The following ZNF521 variants were observed in gnomAD, a reference collection of about 807,000 sequenced individuals.
ZNF521 encodes the protein LYST-interacting protein 3.
Under a neutral mutation model 105.5 loss-of-function variants are expected in ZNF521, and 14 were observed. The observed-to-expected ratio is 0.13, with a 90% CI of 0.09 to 0.21. The LOEUF is 0.21. Among genes scored for constraint, ZNF521 ranks in the 10% least tolerant of loss-of-function variants. The pLI is 1.00. For missense variants in ZNF521, 1,233 were observed against 1,629.7 expected (o/e 0.76, Z 4.19); for synonymous variants, 635 against 606.0 (o/e 1.05, Z -0.70).
chr18:25,144,268 C>T (rs2034903315), intron 5 of ZNF521, among the ~76,000 whole-genome samples: 1 of 152,088 alleles, frequency 6.6e-6, no homozygotes, highest in South Asian at 2.1e-4. Flanking sequence ...AGACATTTTG[C>T]ATAATGCTTC....
At position 25,062,633 on chromosome 18, in the gene ZNF521, T is replaced by C. The variant is rs1019665193; in HGVS notation, c.*79A>G. 16 of 1,502,002 alleles carry C rather than the reference T, an allele frequency of 1.1e-5. No individual in the cohort carries two copies. Among genetic ancestry groups the C allele is most frequent in the Non-Finnish European group, 1.2e-5 (13 of 1,101,672 alleles). The allele number at this position is 1,502,002 out of a possible 1,614,324, so 93.0% of individuals were successfully genotyped here. ...GTTTCTGAATAATATACATTAACAA[T>C]GAAAGTTTCGTGCAAAGAGTAAAAC... is the stretch of plus-strand genomic sequence containing the variant. On this transcript the variant is annotated 3_prime_UTR_variant, in exon 8 of 8. Transcript: ENST00000361524.
chr18:25,307,866 C>G (rs1912066979), intron 3 of ZNF521, among the ~76,000 whole-genome samples: 1 of 152,066 alleles, frequency 6.6e-6, no homozygotes, highest in Non-Finnish European at 1.5e-5. Flanking sequence ...GTGAAGCCTC[C>G]TGATAGGTCT....
intron 2 of ZNF521, among the ~76,000 whole-genome samples, chr18:25,340,270 G>A (rs1441366000): frequency 6.6e-6 from 1 of 152,104 alleles, no homozygotes; most frequent in African/African-American, 2.4e-5. Context: ...TGAGAGGATC[G>A]CTTGAACCCA....
At chr18:25,258,923 T>C (rs550309042) in intron 3 of ZNF521, among the ~76,000 whole-genome samples, 96 of 152,286 alleles carry the variant, frequency 6.3e-4, no homozygotes, top group African/African-American at 2.2e-3. Flanking sequence ...ATCTATTGAG[T>C]AATGACAATG....
chr18:25,252,142 C>T (rs933214986), intron 3 of ZNF521, among the ~76,000 whole-genome samples: 4 of 152,116 alleles, frequency 2.6e-5, no homozygotes, highest in Non-Finnish European at 5.9e-5. Context: ...TCTTACTGCT[C>T]CCAGTTTACT....
chr18:25,325,898 G>A, intron 2 of ZNF521, among the ~76,000 whole-genome samples: 1 of 152,134 alleles, frequency 6.6e-6, no homozygotes, highest in East Asian at 1.9e-4. Context: ...CTGGCAGGTG[G>A]TTCTTTTCTT....
At chr18:25,106,329 G>T (rs2034072505) in intron 5 of ZNF521, among the ~76,000 whole-genome samples, 1 of 151,900 alleles carries the variant, frequency 6.6e-6, no homozygotes, top group Non-Finnish European at 1.5e-5. Context: ...AAAATACCAG[G>T]AAAACCATAT....
chr18:25,168,051 C>G (rs961919387), intron 5 of ZNF521, among the ~76,000 whole-genome samples: 1 of 152,094 alleles, frequency 6.6e-6, no homozygotes, highest in Non-Finnish European at 1.5e-5. Context: ...TAAGAGACTC[C>G]GAGTCAGTCT....
intron 6 of ZNF521, 97 bp from the exon 7 acceptor site, chr18:25,089,677 G>A (rs926010589): frequency 1.1e-5 from 10 of 918,602 alleles, no homozygotes; most frequent in East Asian, 5.1e-5. Context: ...CGGACAGCAC[G>A]CCTCCCAGGT....
At chr18:25,269,789 C>T (rs1166625257) in intron 3 of ZNF521, among the ~76,000 whole-genome samples, 1 of 152,176 alleles carries the variant, frequency 6.6e-6, no homozygotes, top group Non-Finnish European at 1.5e-5. Context: ...ACATTTAAAG[C>T]AGTGCATAGA....
At chr18:25,211,489 T>C (rs539575722) in intron 4 of ZNF521, among the ~76,000 whole-genome samples, 1 of 152,332 alleles carries the variant, frequency 6.6e-6, no homozygotes, top group South Asian at 2.1e-4. Context: ...ATATTAATAA[T>C]GAGAATAAAT....
chr18:25,336,987 A>G (rs1208253613), intron 2 of ZNF521, among the ~76,000 whole-genome samples: 1 of 152,206 alleles, frequency 6.6e-6, no homozygotes, highest in East Asian at 1.9e-4. Context: ...ACAGATGGAG[A>G]AACTGTAGTA....
At chr18:25,247,456 C>T (rs1173552914) in intron 3 of ZNF521, among the ~76,000 whole-genome samples, 1 of 152,150 alleles carries the variant, frequency 6.6e-6, no homozygotes, top group African/African-American at 2.4e-5. Flanking sequence ...AGGAACTTGA[C>T]CTTGGCTGCA....
intron 3 of ZNF521, among the ~76,000 whole-genome samples, chr18:25,278,682 T>G (rs1910186912): frequency 6.6e-6 from 1 of 152,192 alleles, no homozygotes; most frequent in Non-Finnish European, 1.5e-5. Flanking sequence ...GAAAAGAAAT[T>G]GCACTGTAAT....
At chr18:25,199,045 T>A (rs2035948103) in intron 4 of ZNF521, among the ~76,000 whole-genome samples, 1 of 151,970 alleles carries the variant, frequency 6.6e-6, no homozygotes, top group African/African-American at 2.4e-5. Flanking sequence ...GAAGTATACA[T>A]CACCAATATA....
rs571059193 is a variant in ZNF521 at position 25,066,334 on chromosome 18, T to C, written c.3907-3593A>G. On this transcript the variant is annotated intron_variant, in intron 7 of 7. Coordinates refer to ENST00000361524, the MANE Select transcript of ZNF521 (RefSeq NM_015461.3). ...CTGCTCCATCCTCAAGGGCTTGCCT[T>C]TGCCACCTTTGAGGATCCGGGGGAT... 3.3e-5 allele frequency among the ~76,000 whole-genome samples: 5 copies of C among 152,316 alleles called. No homozygotes were observed. In the South Asian group the frequency reaches 1.0e-3, roughly 32 times the overall value.
In ZNF521 at chr18:25,226,100, G is replaced by A; in HGVS notation, c.1818C>T (p.Pro606=). Residue 606 remains proline, a synonymous_variant, in exon 4 of 8, where the codon CCC becomes CCT. Coordinates refer to ENST00000361524, the MANE Select transcript of ZNF521 (RefSeq NM_015461.3). This position sits in a 1 kb window ranked among gnomAD's most constrained non-coding sequence, Gnocchi z 4.1. ...TCTGCTCTATGGCCACAGGAGATAG[G>A]GGGCTTAAGGCCCTGGATTTCTTCC... ...HNGKKSRALS[P]LSPVAIEQTS... is the part of the protein sequence containing the mutation. 2 of 1,614,178 alleles carry A rather than the reference G, an allele frequency of 1.2e-6. No homozygotes were observed. Among genetic ancestry groups the A allele is most frequent in the Non-Finnish European group, 1.7e-6 (2 of 1,180,028 alleles).
chr18:25,308,005 C>G (rs1158047833), intron 3 of ZNF521, among the ~76,000 whole-genome samples: 5 of 151,944 alleles, frequency 3.3e-5, no homozygotes, highest in Non-Finnish European at 5.9e-5. Context: ...AGTTCAAGAC[C>G]AGCCTGGCCA....
At chr18:25,208,142 G>A (rs953061243) in intron 4 of ZNF521, among the ~76,000 whole-genome samples, 1 of 152,044 alleles carries the variant, frequency 6.6e-6, no homozygotes, top group Non-Finnish European at 1.5e-5. Flanking sequence ...TTTAAACATA[G>A]TCCTACTTCT....
Sources: allele counts gnomAD v4.1 joint callset (sites outside exome capture counted in the v4.1 genomes callset), GRCh38; gene constraint gnomAD v4.1.1; non-coding constraint Gnocchi (gnomAD v3.1); transcripts MANE v1.5; gene names NCBI Gene and HGNC (gene_info 2026-07-23, HGNC 2026-07-21).